Variants in RFFL observed in about 807,000 individuals in gnomAD.
RFFL encodes E3 ubiquitin-protein ligase rififylin.
Under a neutral mutation model 40.4 loss-of-function variants are expected in RFFL, and 16 were observed. The ratio of observed to expected loss-of-function variants is 0.40; its 90% confidence interval spans 0.27 to 0.60. The LOEUF is 0.60. RFFL is among the 20% of genes least tolerant of loss of function. RFFL has a pLI of 0.47. For missense variants in RFFL, 367 were observed against 451.7 expected (o/e 0.81, Z 1.70); for synonymous variants, 154 against 167.9 (o/e 0.92, Z 0.64).
At chr17:35,085,467 T>G (rs1322437246) in intron 1 of RFFL, among the ~76,000 whole-genome samples, 2 of 152,254 alleles carry the variant, frequency 1.3e-5, no homozygotes, top group African/African-American at 2.4e-5. Context: ...TTCGCTCTTG[T>G]TGCCCAGGCT....
At chr17:35,040,982 G>T (rs564766201) in intron 1 of RFFL, among the ~76,000 whole-genome samples, 2 of 149,944 alleles carry the variant, frequency 1.3e-5, no homozygotes, top group East Asian at 3.9e-4. Flanking sequence ...GGGCTCTAAG[G>T]ATCCTCCTGC....
intron 1 of RFFL, chr17:35,069,452 T>C: frequency 2.6e-6 from 1 of 390,674 alleles, no homozygotes; most frequent in Non-Finnish European, 5.1e-6. Flanking sequence ...ACTGCACAGC[T>C]TGAATGTCCC....
At chr17:35,042,783 T>G (rs2091174422) in intron 1 of RFFL, among the ~76,000 whole-genome samples, 1 of 126,724 alleles carries the variant, frequency 7.9e-6, no homozygotes, top group African/African-American at 3.2e-5. Flanking sequence ...TGAGATCACA[T>G]CACTGCACTC....
rs370136271 is a variant in RFFL, at chr17:35,012,176, A to C, written c.911-27T>G. The C allele has an allele frequency of 2.5e-6, 4 of 1,607,146 alleles. No homozygotes were observed. In the African/African-American group the frequency reaches 5.3e-5, roughly 21 times the overall value. ...TGTACAAACACACAGGGCAGAAAAA[A>C]AGGGGCAGAGGAGTGAGGAGAATGT... On this transcript the variant is annotated intron_variant, in intron 6 of 6. Transcript: ENST00000394597.
intron 1 of RFFL, among the ~76,000 whole-genome samples, chr17:35,062,337 A>C (rs2091296870): frequency 6.6e-6 from 1 of 152,020 alleles, no homozygotes; most frequent in Admixed American, 6.6e-5. Context: ...AGGAAGGCAG[A>C]GGTTGCAGTG....
chr17:35,067,169 G>A (rs1355788802), upstream of RFFL, among the ~76,000 whole-genome samples: 1 of 150,892 alleles, frequency 6.6e-6, no homozygotes, highest in African/African-American at 2.4e-5. Flanking sequence ...ACAGGCTGGA[G>A]TGCAATGGTG....
chr17:35,062,546 C>A (rs1228918494), intron 1 of RFFL, among the ~76,000 whole-genome samples: 1 of 152,150 alleles, frequency 6.6e-6, no homozygotes, highest in Non-Finnish European at 1.5e-5. Context: ...ATTCTCAATA[C>A]ATACTATGAT....
chr17:35,007,415 ATC>A lies in RFFL; in HGVS notation c.*4551_*4552del, dbSNP rs1360618265. On this transcript the variant is annotated 3_prime_UTR_variant, in exon 7 of 7. Transcript: ENST00000394597. ...GCAGCCCTCAACATCATCATCATAA[ATC>A]TCTCCAGCAGAATGCTGGAGGCCTC... is the stretch of plus-strand genomic sequence containing the variant. 6.6e-6 allele frequency: 1 copy of A among 152,148 alleles called. No homozygotes were observed. The highest frequency in any genetic ancestry group is 1.5e-5 in the Non-Finnish European group (1 of 68,060). The allele number at this position is 152,148 out of a possible 1,614,324, so 9.4% of individuals were successfully genotyped here.
intron 3 of RFFL, among the ~76,000 whole-genome samples, chr17:35,019,494 C>T (rs1017064867): frequency 4.6e-5 from 7 of 152,176 alleles, no homozygotes; most frequent in Admixed American, 3.3e-4. Flanking sequence ...ATCCTCCCAC[C>T]TCAGCCTCTT....
rs183710836 is a variant in RFFL at position 35,072,148 on chromosome 17, G to A, written c.-9+16957C>T. ...ATACAAAAATTAGCTGGGTGTGGTG[G>A]TGCACACCTGTAGTCTCAGTTACTC... On this transcript the variant is annotated intron_variant, in intron 1 of 6. Transcript: ENST00000315249. 2.1e-4 allele frequency among the ~76,000 whole-genome samples: 32 copies of A among 152,166 alleles called. No homozygotes were observed. The East Asian group carries it at 6.0e-3, about 29-fold the overall frequency.
rs1336486031 is a variant in RFFL, at chr17:35,008,844, G to C, written c.*3124C>G. On this transcript the variant is annotated 3_prime_UTR_variant, in exon 7 of 7. Coordinates refer to ENST00000394597, the MANE Select transcript of RFFL (RefSeq NM_001017368.2). Reference sequence around the variant, plus strand: ...GACGGGGTTTCACCGTGTTAGCCAGGGTGGTCTCGATCTCCTGACCTCGTG... The same window carrying C: ...GACGGGGTTTCACCGTGTTAGCCAGCGTGGTCTCGATCTCCTGACCTCGTG... The C allele has an allele frequency of 6.6e-6, 1 of 152,174 alleles. No individual in the cohort carries two copies. The highest frequency in any genetic ancestry group is 1.5e-5 in the Non-Finnish European group (1 of 68,080). The allele number at this position is 152,174 out of a possible 1,614,324, so 9.4% of individuals were successfully genotyped here. A position where few individuals can be genotyped will look rare whatever the true frequency, so the allele number is the denominator to read the frequency against.
At chr17:35,065,483 G>GAGGC (rs1378238944), upstream of RFFL, among the ~76,000 whole-genome samples, 1 of 151,004 alleles carries the variant, frequency 6.6e-6, no homozygotes, top group Non-Finnish European at 1.5e-5. Flanking sequence ...TTGAACCCGG[G>GAGGC]AGGCAGAGGT....
At chr17:35,020,428 T>C (rs538349803) in intron 3 of RFFL, among the ~76,000 whole-genome samples, 125 of 148,900 alleles carry the variant, frequency 8.4e-4, no homozygotes, top group African/African-American at 3.0e-3. Flanking sequence ...TGTTGTGAAC[T>C]GCGCATGCGA....
chr17:35,049,304 G>GCA (rs111976707), intron 1 of RFFL, among the ~76,000 whole-genome samples: 318 of 149,898 alleles, frequency 2.1e-3, no homozygotes, highest in Middle Eastern at 6.9e-3. Flanking sequence ...GGTACAGAAT[G>GCA]CACACACACA....
At chr17:35,031,350 G>A (rs1256911567) in intron 1 of RFFL, among the ~76,000 whole-genome samples, 1 of 151,612 alleles carries the variant, frequency 6.6e-6, no homozygotes, top group Non-Finnish European at 1.5e-5. Flanking sequence ...CAGGTGATCC[G>A]CCTGCCACGG....
chr17:35,014,634 G>A lies in RFFL; in HGVS notation c.910+106C>T, dbSNP rs1198917287. On this transcript the variant is annotated intron_variant, in intron 6 of 6. Transcript: ENST00000394597. ...TGAGTTTCCCACACACCCTCTCTCT[G>A]GGGGCTCAAATGCTCAGAATTCTTA... is the stretch of plus-strand genomic sequence containing the variant. The A allele has an allele frequency of 4.6e-6, 5 of 1,087,214 alleles. No homozygotes were observed. In the Admixed American group the frequency reaches 6.9e-5, roughly 15 times the overall value. The allele number at this position is 1,087,214 out of a possible 1,614,324, so 67.3% of individuals were successfully genotyped here.
chr17:35,088,871 C>T (rs2091444180), intron 1 of RFFL: 1 of 152,312 alleles, frequency 6.6e-6, no homozygotes, highest in Non-Finnish European at 1.5e-5. Context: ...AGGTGAAACG[C>T]TTTCTTTGAG....
chr17:35,016,182 C>T (rs1390417790), intron 5 of RFFL, among the ~76,000 whole-genome samples, 188 bp downstream of exon 5: 2 of 152,192 alleles, frequency 1.3e-5, no homozygotes, highest in East Asian at 3.8e-4. Flanking sequence ...TAAATACATA[C>T]ATGCAATGCC....
chr17:35,010,428 T>C lies in RFFL; in HGVS notation c.*1540A>G, dbSNP rs923209438. The C allele has an allele frequency of 1.3e-5, 2 of 152,208 alleles. No homozygotes were observed. Among genetic ancestry groups the C allele is most frequent in the Non-Finnish European group, 2.9e-5 (2 of 68,078 alleles). The allele number at this position is 152,208 out of a possible 1,614,324, so 9.4% of individuals were successfully genotyped here. A position where few individuals can be genotyped will look rare whatever the true frequency, so the allele number is the denominator to read the frequency against. On this transcript the variant is annotated 3_prime_UTR_variant, in exon 7 of 7. Transcript: ENST00000394597. Reference sequence around the variant, plus strand: ...GTGAGGGCTCAAATACATCACCTACTCATTGCATGGTCCTTCCTAAAGAGC... The same window carrying C: ...GTGAGGGCTCAAATACATCACCTACCCATTGCATGGTCCTTCCTAAAGAGC...
Sources: gnomAD v4.1 joint callset for allele counts (sites outside exome capture counted in the v4.1 genomes callset) on GRCh38, gnomAD v4.1.1 for gene constraint, MANE v1.5 for transcripts, NCBI Gene and HGNC (gene_info 2026-07-23, HGNC 2026-07-21) for gene names.